KIAA1549: variants seen among roughly 807,000 people sequenced by gnomAD.
The protein encoded by KIAA1549 is KIAA1549.
In KIAA1549, 70 loss-of-function variants were observed where a neutral mutation model predicts 156.4. The ratio of observed to expected loss-of-function variants is 0.45; its 90% CI spans 0.37 to 0.55. The LOEUF is 0.55. Among genes scored for constraint, KIAA1549 ranks in the 20% least tolerant of loss-of-function variants. The probability of loss-of-function intolerance (pLI) is 0.00; values close to 1 mark genes in which losing one functional copy is unlikely to be tolerated. For missense variants in KIAA1549, 2,428 were observed against 2,540.9 expected, an observed-to-expected ratio of 0.96 and a Z score of 0.96; for synonymous variants, 1,103 against 1,066.4, an observed-to-expected ratio of 1.03 and a Z score of -0.67.
chr7:138,965,834 A>AT (rs1814007153), intron 1 of KIAA1549, among the ~76,000 whole-genome samples: 1 of 152,134 alleles, frequency 6.6e-6, no homozygotes, highest in Non-Finnish European at 1.5e-5. Context: ...ACTTTATTCA[A>AT]TGTGCAAGAA....
At chr7:138,942,203 T>C (rs1813204829) in intron 1 of KIAA1549, among the ~76,000 whole-genome samples, 1 of 152,164 alleles carries the variant, frequency 6.6e-6, no homozygotes, top group South Asian at 2.1e-4. Context: ...AGCACCACAC[T>C]GTCTCTCTGA....
At chr7:138,860,321 C>T (rs1261029087) in intron 16 of KIAA1549, among the ~76,000 whole-genome samples, 2 of 152,200 alleles carry the variant, frequency 1.3e-5, no homozygotes, top group African/African-American at 4.8e-5. Flanking sequence ...TTGCTGAAGG[C>T]TCTTACTTTG....
chr7:138,946,192 T>G (rs1813330912), intron 1 of KIAA1549, among the ~76,000 whole-genome samples: 2 of 152,244 alleles, frequency 1.3e-5, no homozygotes, highest in African/African-American at 4.8e-5. Flanking sequence ...CGTTGTTACA[T>G]TTACTGAGTG....
At chr7:138,857,348 A>G (rs937686669) in intron 16 of KIAA1549, among the ~76,000 whole-genome samples, 1 of 152,218 alleles carries the variant, frequency 6.6e-6, no homozygotes, top group Non-Finnish European at 1.5e-5. Flanking sequence ...ATATTCGTAA[A>G]TGGAGTGCTA....
chr7:138,947,702 C>A (rs1388824282), intron 1 of KIAA1549, among the ~76,000 whole-genome samples: 1 of 152,184 alleles, frequency 6.6e-6, no homozygotes, highest in Non-Finnish European at 1.5e-5. Context: ...ATAATAACTG[C>A]AGATGTAAAC....
At position 138,918,421 on chromosome 7, in the gene KIAA1549, G is replaced by T. The variant is rs573672674; in HGVS notation, c.1205C>A (p.Pro402His). 1 of 1,614,018 alleles carries T rather than the reference G, an allele frequency of 6.2e-7. No homozygotes were observed. Among genetic ancestry groups the T allele is most frequent in the African/African-American group, 1.3e-5 (1 of 75,048 alleles). The change falls in exon 2 of 20, where the codon CCT becomes CAT. Residue 402 changes from proline (P) to histidine (H), a missense_variant. Coordinates refer to ENST00000422774, the MANE Select transcript of KIAA1549 (RefSeq NM_001164665.2). This position sits in a 1 kb window ranked among gnomAD's most constrained non-coding sequence, Gnocchi z 4.2. ...ELHSNSALPG[P>H]VDNTHILSPV... ...GCTCAGGATATGAGTGTTGTCCACA[G>T]GACCGGGGAGGGCTGAATTGCTATG... is the stretch of plus-strand genomic sequence containing the variant.
intron 2 of KIAA1549, among the ~76,000 whole-genome samples, chr7:138,912,878 T>TTTTTC (rs944617823): frequency 1.3e-5 from 2 of 152,012 alleles, no homozygotes; most frequent in Non-Finnish European, 2.9e-5. Flanking sequence ...AGAAGGAACA[T>TTTTTC]TTTTCTTTTC....
Position 138,917,867 on chromosome 7 carries a change from T to G in KIAA1549, c.1759A>C (p.Ser587Arg). The change falls in exon 2 of 20, where the codon AGT becomes CGT. Residue 587 changes from serine to arginine, a missense_variant. Around this residue, in one of 5 missense-constraint regions of KIAA1549, gnomAD observed 893 missense variants for 847.9 expected, o/e 1.05. Coordinates refer to ENST00000422774, the MANE Select transcript of KIAA1549 (RefSeq NM_001164665.2). ...NTPSLAVRDP[S>R]VFTPYSLVPS... Reference sequence around the variant, plus strand: ...ACCAGACTATAAGGCGTAAAAACACTCGGGTCTCTGACGGCAAGCGACGGT... The same window carrying G: ...ACCAGACTATAAGGCGTAAAAACACGCGGGTCTCTGACGGCAAGCGACGGT... The G allele has an allele frequency of 6.2e-7, 1 of 1,604,644 alleles. No homozygotes were observed. Among genetic ancestry groups the G allele is most frequent in the Middle Eastern group, 1.7e-4 (1 of 6,058 alleles).
chr7:138,975,132 C>A (rs892047487), intron 1 of KIAA1549, among the ~76,000 whole-genome samples: 2 of 152,010 alleles, frequency 1.3e-5, no homozygotes, highest in Non-Finnish European at 2.9e-5. Context: ...AGTGATGATG[C>A]GAGCTAAGAG....
At chr7:138,891,756 G>A (rs1325769179) in intron 10 of KIAA1549, among the ~76,000 whole-genome samples, 2 of 152,150 alleles carry the variant, frequency 1.3e-5, no homozygotes, top group South Asian at 4.1e-4. Flanking sequence ...AGAGCAGAAC[G>A]GAGAGAGAGA....
intron 1 of KIAA1549, among the ~76,000 whole-genome samples, chr7:138,921,469 T>C (rs899781770): frequency 2.0e-5 from 3 of 152,214 alleles, no homozygotes; most frequent in Non-Finnish European, 2.9e-5. Flanking sequence ...CCTCACAATA[T>C]GACCATATTC....
chr7:138,907,088 G>A lies in KIAA1549; in HGVS notation c.3291C>T (p.Thr1097=), dbSNP rs1242364727. ...YNLTVQILNI[T]ISSSRVTPRR... is the part of the protein sequence containing the mutation. ...GAGGAGTCACCCTTGAGGAACTGAT[G>A]GTGATATTCAAGATCTGAAAGAATA... Residue 1097 remains threonine, a synonymous_variant, in exon 6 of 20, where the codon ACC becomes ACT. Coordinates refer to ENST00000422774, the MANE Select transcript of KIAA1549 (RefSeq NM_001164665.2). The A allele has an allele frequency of 5.0e-6, 8 of 1,589,056 alleles. No individual in the cohort carries two copies. The highest frequency in any genetic ancestry group is 1.7e-4 in the Middle Eastern group (1 of 5,954).
At chr7:138,923,952 C>G (rs1812637291) in intron 1 of KIAA1549, among the ~76,000 whole-genome samples, 1 of 152,180 alleles carries the variant, frequency 6.6e-6, no homozygotes. Flanking sequence ...ATATTCCTTT[C>G]TCTATCATAT....
intron 12 of KIAA1549, among the ~76,000 whole-genome samples, chr7:138,875,891 G>C (rs1323877497): frequency 1.3e-5 from 2 of 151,436 alleles, no homozygotes; most frequent in Non-Finnish European, 2.9e-5. Flanking sequence ...GACCTCCCAG[G>C]CTCAAGCGAT....
At chr7:138,857,924 A>T (rs1810439811) in intron 16 of KIAA1549, among the ~76,000 whole-genome samples, 1 of 152,080 alleles carries the variant, frequency 6.6e-6, no homozygotes, top group Non-Finnish European at 1.5e-5. Flanking sequence ...ATATACTTGG[A>T]TCTTGCTTTT....
At chr7:138,859,169 T>C (rs1810483234) in intron 16 of KIAA1549, among the ~76,000 whole-genome samples, 1 of 152,198 alleles carries the variant, frequency 6.6e-6, no homozygotes, top group South Asian at 2.1e-4. Flanking sequence ...TGCAGACAGT[T>C]GCCTGCTCTC....
chr7:138,927,626 G>A (rs1438364362), intron 1 of KIAA1549, among the ~76,000 whole-genome samples: 2 of 152,208 alleles, frequency 1.3e-5, no homozygotes, highest in Non-Finnish European at 2.9e-5. Flanking sequence ...AATACAGCAA[G>A]ACTTCGTCTT....
intron 18 of KIAA1549, 115 bp downstream of exon 18, chr7:138,844,202 T>C (rs986636278): frequency 8.3e-7 from 1 of 1,211,196 alleles, no homozygotes; most frequent in African/African-American, 1.5e-5. Context: ...GAAACAGCCC[T>C]GAAACAGCAG....
At chr7:138,924,195 C>CTTTTTTTTTTTTT (rs747004102) in intron 1 of KIAA1549, among the ~76,000 whole-genome samples, 2 of 132,784 alleles carry the variant, frequency 1.5e-5, no homozygotes, top group African/African-American at 2.7e-5. Flanking sequence ...TTTTTTTTTT[C>CTTTTTTTTTTTTT]TTTTTTTTTT....
Sources: allele counts gnomAD v4.1 joint callset (sites outside exome capture counted in the v4.1 genomes callset), GRCh38; gene constraint gnomAD v4.1.1; regional missense constraint gnomAD v4.1.1; non-coding constraint Gnocchi (gnomAD v3.1); transcripts MANE v1.5; gene names NCBI Gene and HGNC (gene_info 2026-07-23, HGNC 2026-07-21).